NRBP1: variants seen among roughly 807,000 people sequenced by gnomAD.
NRBP1 encodes the protein nuclear receptor-binding protein.
NRBP1 carries 10 observed loss-of-function variants against 76.0 expected under a neutral mutation model. The ratio of observed to expected loss-of-function variants is 0.13; its 90% CI spans 0.08 to 0.22. NRBP1 has a LOEUF of 0.22. NRBP1 is among the 10% of genes least tolerant of loss of function. The pLI is 1.00. For missense variants in NRBP1, 344 were observed against 646.0 expected, an observed-to-expected ratio of 0.53 and a Z score of 5.07; for synonymous variants, 235 against 240.2, an observed-to-expected ratio of 0.98 and a Z score of 0.20.
intron 7 of NRBP1, chr2:27,436,509 C>A: frequency 2.0e-6 from 1 of 499,440 alleles, no homozygotes; most frequent in Admixed American, 3.5e-5. Context: ...TTAATTTAGT[C>A]TGGTGCTTTT....
chr2:27,440,284 C>T lies in NRBP1; in HGVS notation c.1037-119C>T, dbSNP rs1159276652. The T allele has an allele frequency of 6.6e-4, 481 of 734,192 alleles. 1 individual carries two copies. The highest frequency in any genetic ancestry group is 4.3e-5 in the Non-Finnish European group (18 of 417,592). The allele number at this position is 734,192 out of a possible 1,614,324, so 45.5% of individuals were successfully genotyped here. A position where few individuals can be genotyped will look rare whatever the true frequency, so the allele number is the denominator to read the frequency against. On this transcript the variant is annotated intron_variant, in intron 11 of 17. Coordinates refer to ENST00000379852, the MANE Select transcript of NRBP1 (RefSeq NM_013392.4). Reference sequence around the variant, plus strand: ...TCGGCTTCCCAAAGTGCTGGGATTACAGGCATGAGCCACTGTGCCAGGCCT... The same window carrying T: ...TCGGCTTCCCAAAGTGCTGGGATTATAGGCATGAGCCACTGTGCCAGGCCT...
At chr2:27,440,598 T>G in intron 12 of NRBP1, 54 bp from the exon 13 acceptor site, 1 of 1,610,484 alleles carries the variant, frequency 6.2e-7, no homozygotes, top group Non-Finnish European at 8.5e-7. Context: ...AATGCTTGAA[T>G]TTGCTATTTT....
rs779484201 is a variant in NRBP1, at chr2:27,442,195, G to T, written c.*383G>T. 3.3e-4 allele frequency: 179 copies of T among 538,604 alleles called. No individual in the cohort carries two copies. The highest frequency in any genetic ancestry group is 4.5e-4 in the Non-Finnish European group (141 of 310,040). The allele number at this position is 538,604 out of a possible 1,614,324, so 33.4% of individuals were successfully genotyped here. A position where few individuals can be genotyped will look rare whatever the true frequency, so the allele number is the denominator to read the frequency against. On this transcript the variant is annotated 3_prime_UTR_variant, in exon 18 of 18. Transcript: ENST00000379852. The stretch of plus-strand genomic sequence containing the variant: ...GAGAGAAAGGTGGTGCTGCAGTGGT[G>T]GCCCTGGGGGGCCATTCGATTCGCC...
At position 27,434,529 on chromosome 2, in the gene NRBP1, C is replaced by T. The variant is rs1047817538; in HGVS notation, c.494C>T (p.Thr165Ile). ...SGSLKQFLKK[T>I]KKNHKTMNEK... is the part of the protein sequence containing the mutation. ...AGTCTGAAGCAATTTCTGAAGAAGA[C>T]CAAAAAGAACCACAAGACGATGAAT... Residue 165 changes from threonine to isoleucine, a missense_variant, in exon 5 of 18, where the codon ACC becomes ATC. Around this residue, in one of 3 missense-constraint regions of NRBP1, gnomAD observed 73 missense variants for 287.8 expected, o/e 0.25. Transcript: ENST00000379852. The T allele has an allele frequency of 6.2e-7, 1 of 1,613,830 alleles. No homozygotes were observed. Among genetic ancestry groups the T allele is most frequent in the Non-Finnish European group, 8.5e-7 (1 of 1,179,890 alleles).
intron 1 of NRBP1, among the ~76,000 whole-genome samples, chr2:27,432,580 T>TTG (rs1553317258): frequency 2.6e-5 from 4 of 151,690 alleles, no homozygotes; most frequent in African/African-American, 9.7e-5. Context: ...AAATCTTTTT[T>TTG]TTTGTTTGTT....
chr2:27,439,992 ATTCTTTTTTTTTTTTTTTTTTT>A, intron 11 of NRBP1, 94 bp downstream of exon 11: 26 of 234,414 alleles, frequency 1.1e-4, no homozygotes, highest in Admixed American at 5.8e-4. Flanking sequence ...TTCCAAAGGG[ATTCTTTTTTTTTTTTTTTTTTT>A]TTTTTTTTTT....
In NRBP1 at chr2:27,434,774, C is replaced by G; in HGVS notation, c.566+12C>G. On this transcript the variant is annotated intron_variant, in intron 6 of 17. Coordinates refer to ENST00000379852, the MANE Select transcript of NRBP1 (RefSeq NM_013392.4). ...CTCTCTGCCCTAAGGTAAGTAGTAC[C>G]TGGTTAGTTTCTTACCCATATTTCC... 6.2e-7 allele frequency: 1 copy of G among 1,613,396 alleles called. No homozygotes were observed. Among genetic ancestry groups the G allele is most frequent in the Non-Finnish European group, 8.5e-7 (1 of 1,179,360 alleles).
In NRBP1 at chr2:27,441,571, G is replaced by A; in HGVS notation, c.1452G>A (p.Glu484=). Residue 484 remains glutamate, a synonymous_variant, in exon 17 of 18, where the codon GAG becomes GAA. Transcript: ENST00000379852. Reference sequence around the variant, plus strand: ...CCCCTCCTGTTTCTTTGTCAGATGAGAATATCCCCGAGTTGGCGGCTGAGC... The same window carrying A: ...CCCCTCCTGTTTCTTTGTCAGATGAAAATATCCCCGAGTTGGCGGCTGAGC... ...RHLSCDLMPN[E]NIPELAAELV... 6.2e-7 allele frequency: 1 copy of A among 1,614,106 alleles called. No individual in the cohort carries two copies. The highest frequency in any genetic ancestry group is 8.5e-7 in the Non-Finnish European group (1 of 1,180,028).
At chr2:27,437,504 G>A (rs1398537668) in intron 10 of NRBP1, 144 bp downstream of exon 10, 2 of 653,706 alleles carry the variant, frequency 3.1e-6, no homozygotes, top group Non-Finnish European at 5.4e-6. Context: ...CATTTTCTTA[G>A]GAGGTGCCTA....
At chr2:27,427,810 G>C (rs1463025704), upstream of NRBP1, 1 of 152,182 alleles carries the variant, frequency 6.6e-6, no homozygotes, top group South Asian at 2.1e-4. Flanking sequence ...TCTAAGGGCA[G>C]AGTGAACTTC....
At chr2:27,427,953 A>T (rs957375502), upstream of NRBP1, 19 of 152,180 alleles carry the variant, frequency 1.2e-4, no homozygotes, top group Admixed American at 1.2e-3. Context: ...CCTTTGATGA[A>T]ATTTACTGTT....
intron 1 of NRBP1, among the ~76,000 whole-genome samples, 159 bp downstream of exon 1, chr2:27,428,890 GCCGAGGGGCCGCTTCGGCC>G (rs1457304990): frequency 3.3e-5 from 5 of 152,254 alleles, no homozygotes; most frequent in Admixed American, 1.3e-4. Context: ...GCCTGCTGGA[GCCGAGGGGCCGCTTCGGCC>G]CCGCAGTCGC....
chr2:27,430,469 C>CTTTTTTTTTTTT (rs977927783), intron 1 of NRBP1, among the ~76,000 whole-genome samples: 11 of 138,672 alleles, frequency 7.9e-5, no homozygotes, highest in East Asian at 2.1e-4. Flanking sequence ...TTCTTTTTTT[C>CTTTTTTTTTTTT]TTTTTTTTTT....
At position 27,433,450 on chromosome 2, in the gene NRBP1, G is replaced by T; in HGVS notation, c.177G>T (p.Ser59=). ...SEDESEILEE[S]PCGRWQKRRE... Reference sequence around the variant, plus strand: ...ATGAGTCTGAGATTTTGGAAGAGTCGCCCTGTGGGCGCTGGCAGAAGAGGC... The same window carrying T: ...ATGAGTCTGAGATTTTGGAAGAGTCTCCCTGTGGGCGCTGGCAGAAGAGGC... Residue 59 remains serine, a synonymous_variant, in exon 2 of 18, where the codon TCG becomes TCT. Transcript: ENST00000379852. 3.1e-6 allele frequency: 5 copies of T among 1,614,240 alleles called. No individual in the cohort carries two copies. Among genetic ancestry groups the T allele is most frequent in the South Asian group, 2.2e-5 (2 of 91,078 alleles).
chr2:27,434,617 G>A, intron 5 of NRBP1, 57 bp downstream of exon 5: 1 of 1,593,426 alleles, frequency 6.3e-7, no homozygotes, highest in African/African-American at 1.3e-5. Context: ...GTTTTAAAAA[G>A]GACTCTGTTA....
rs745810889 is a variant in NRBP1, at chr2:27,437,382, CCCT to C, written c.903+27_903+29del. 7.1e-6 allele frequency: 11 copies of C among 1,539,084 alleles called. No homozygotes were observed. In the African/African-American group the frequency reaches 1.4e-4, roughly 19 times the overall value. On this transcript the variant is annotated intron_variant, in intron 10 of 17. Transcript: ENST00000379852. ...GAGGGTAAGGATCTTCAGGATCACT[CCCT>C]CCTCAACTGACCTTCAAATGTCTTC...
rs760459804 is a variant in NRBP1 at position 27,440,891 on chromosome 2, C to A, written c.1280C>A (p.Pro427His). The change falls in exon 14 of 18, where the codon CCC becomes CAC. Residue 427 changes from proline (P) to histidine (H), a missense_variant. This residue lies in a region of NRBP1 where 218 missense variants were observed against 309.8 expected (regional missense o/e 0.70). Transcript: ENST00000379852. The stretch of plus-strand genomic sequence containing the variant: ...GAGGTGACATCACCTGTCGTGCCCC[C>A]CTCTGTCAAGACTCCGACACCTGAA... The part of the protein sequence containing the change: ...QEEVTSPVVP[P>H]SVKTPTPEPA... 10 of 1,614,088 alleles carry A rather than the reference C, an allele frequency of 6.2e-6. No homozygotes were observed. Among genetic ancestry groups the A allele is most frequent in the Non-Finnish European group, 7.6e-6 (9 of 1,180,054 alleles).
chr2:27,432,669 G>A (rs1664153493), intron 1 of NRBP1, among the ~76,000 whole-genome samples: 1 of 151,634 alleles, frequency 6.6e-6, no homozygotes, highest in African/African-American at 2.4e-5. Context: ...TCAAACTCCT[G>A]GGCAATCAAG....
chr2:27,428,612 A>C, upstream of NRBP1: 2 of 397,428 alleles, frequency 5.0e-6, no homozygotes. Context: ...GGGCGCCGCG[A>C]GGGCGGGGCC....
Sources: allele counts gnomAD v4.1 joint callset (sites outside exome capture counted in the v4.1 genomes callset), GRCh38; gene constraint gnomAD v4.1.1; regional missense constraint gnomAD v4.1.1; transcripts MANE v1.5; gene names NCBI Gene and HGNC (gene_info 2026-07-23, HGNC 2026-07-21).